Variants in MAPKAPK5 observed in about 807,000 individuals in gnomAD.
MAPKAPK5 encodes MAPK activated protein kinase 5, also known as MAP kinase-activated protein kinase 5.
Under a neutral mutation model 65.1 loss-of-function variants are expected in MAPKAPK5, and 30 were observed. The ratio of observed to expected loss-of-function variants is 0.46; its 90% CI spans 0.34 to 0.63. MAPKAPK5 has a LOEUF of 0.63. MAPKAPK5 is among the 20% of genes least tolerant of loss of function. MAPKAPK5 has a pLI of 0.01. For synonymous variants in MAPKAPK5, 179 were observed against 204.6 expected (o/e 0.87, Z 1.07); for missense variants, 433 against 581.4 (o/e 0.74, Z 2.63).
chr12:111,895,595 C>T lies in MAPKAPK5; in HGVS notation c.*2534C>T. ...CCCCAGGCTGGAGTGCAGTGGCTTG[C>T]TCTTGGCTCACTGCAACCTCTGCCT... On this transcript the variant is annotated 3_prime_UTR_variant, in exon 14 of 14. Transcript: ENST00000550735. 1 of 136,802 alleles carries T rather than the reference C, an allele frequency of 7.3e-6. No individual in the cohort carries two copies. The highest frequency in any genetic ancestry group is 1.6e-5 in the Non-Finnish European group (1 of 64,288). 8.5% of individuals were successfully genotyped at this position (136,802 alleles called of 1,614,324 possible).
chr12:111,870,450 A>G (rs1593156002), intron 6 of MAPKAPK5, 90 bp downstream of exon 6: 1 of 1,039,654 alleles, frequency 9.6e-7, no homozygotes, highest in African/African-American at 1.6e-5. Flanking sequence ...ATTCATGGTG[A>G]AAAAGCTTTA....
intron 1 of MAPKAPK5, among the ~76,000 whole-genome samples, chr12:111,844,475 G>A (rs2136054917): frequency 1.3e-5 from 2 of 152,356 alleles, no homozygotes. Context: ...ACAGGTGTGA[G>A]CCACCGCGCC....
chr12:111,842,750 A>G lies in MAPKAPK5; in HGVS notation c.17A>G (p.Asp6Gly). The G allele has an allele frequency of 7.4e-7, 1 of 1,350,528 alleles. No homozygotes were observed. Among genetic ancestry groups the G allele is most frequent in the Non-Finnish European group, 9.6e-7 (1 of 1,044,104 alleles). 83.7% of individuals were successfully genotyped at this position (1,350,528 alleles called of 1,614,324 possible). MSEES[D>G]MDKAIKETSI... ...CCACTGAGTATGTCGGAGGAGAGCGACATGGACAAAGCCATCAAGGTAAGG... is the reference window on the plus strand; with the variant it reads ...CCACTGAGTATGTCGGAGGAGAGCGGCATGGACAAAGCCATCAAGGTAAGG... The change falls in exon 1 of 14, where the codon GAC (aspartate) becomes GGC (glycine). Residue 6 changes from aspartate (D) to glycine (G), a missense_variant. Physicochemically the swap from Asp to Gly is moderately conservative, Grantham distance 94 (BLOSUM62 -1). Coordinates refer to ENST00000550735, the MANE Select transcript of MAPKAPK5 (RefSeq NM_003668.4).
Position 111,897,640 on chromosome 12 carries a change from G to A in MAPKAPK5, c.*4579G>A, listed in dbSNP as rs1383291320. 3 of 152,028 alleles carry A rather than the reference G, an allele frequency of 2.0e-5. No homozygotes were observed. The highest frequency in any genetic ancestry group is 4.4e-5 in the Non-Finnish European group (3 of 67,996). 9.4% of individuals were successfully genotyped at this position (152,028 alleles called of 1,614,324 possible). The stretch of plus-strand genomic sequence containing the variant: ...TACATAAATCACAAGAAATACAGCT[G>A]GAAATCATTTCACTTTTCTTGCTGT... On this transcript the variant is annotated 3_prime_UTR_variant, in exon 14 of 14. Transcript: ENST00000550735.
chr12:111,890,227 A>G, intron 13 of MAPKAPK5, 83 bp downstream of exon 13: 1 of 1,044,810 alleles, frequency 9.6e-7, no homozygotes, highest in Admixed American at 2.1e-5. Flanking sequence ...TTGGGGCCTG[A>G]GCTGCGGCTG....
At chr12:111,852,002 CCAGA>C (rs2069100956) in intron 1 of MAPKAPK5, among the ~76,000 whole-genome samples, 1 of 152,086 alleles carries the variant, frequency 6.6e-6, no homozygotes, top group Admixed American at 6.6e-5. Flanking sequence ...TGCTTCTGTG[CCAGA>C]CAGTAAGGAA....
At position 111,900,814 on chromosome 12, in the gene MAPKAPK5, A is replaced by C; in HGVS notation, c.*7753A>C. On this transcript the variant is annotated 3_prime_UTR_variant, in exon 14 of 14. Transcript: ENST00000550735. Reference sequence around the variant, plus strand: ...TTATGCCCCAACAACAGGCATAAGCAAGATGGCTCAAAATGTCATACAATT... The same window carrying C: ...TTATGCCCCAACAACAGGCATAAGCCAGATGGCTCAAAATGTCATACAATT... 2.2e-6 allele frequency: 1 copy of C among 456,126 alleles called. No individual in the cohort carries two copies. Among genetic ancestry groups the C allele is most frequent in the South Asian group, 1.5e-5 (1 of 64,564 alleles). The allele number at this position is 456,126 out of a possible 1,614,324, so 28.3% of individuals were successfully genotyped here.
At chr12:111,857,635 C>T (rs1312312511) in intron 1 of MAPKAPK5, among the ~76,000 whole-genome samples, 1 of 152,156 alleles carries the variant, frequency 6.6e-6, no homozygotes, top group Non-Finnish European at 1.5e-5. Context: ...AGTCTACTAG[C>T]AGTGAATTCT....
intron 8 of MAPKAPK5, among the ~76,000 whole-genome samples, chr12:111,881,334 A>G (rs1204264747): frequency 6.6e-6 from 1 of 151,120 alleles, no homozygotes; most frequent in Non-Finnish European, 1.5e-5. Context: ...TCGGCCTCCC[A>G]AAGTGCTGGG....
chr12:111,901,534 T>TA lies in MAPKAPK5; in HGVS notation c.*8479dup, dbSNP rs1171328941. ...AGTACAATTATTTGATCTGCTTGCT[T>TA]AAAAAATCACCAGAGGCTGCCCCGG... On this transcript the variant is annotated 3_prime_UTR_variant, in exon 14 of 14. Transcript: ENST00000550735. 1 of 357,128 alleles carries TA rather than the reference T, an allele frequency of 2.8e-6. No homozygotes were observed. The allele number at this position is 357,128 out of a possible 1,614,324, so 22.1% of individuals were successfully genotyped here.
At chr12:111,842,887 C>T in intron 1 of MAPKAPK5, 118 bp downstream of exon 1, 3 of 1,042,802 alleles carry the variant, frequency 2.9e-6, no homozygotes, top group Non-Finnish European at 3.8e-6. Context: ...GGGTTTCGGC[C>T]TCCCCCGGAT....
rs551483129 is a variant in MAPKAPK5, at chr12:111,883,192, G to A, written c.661-389G>A. ...TCGAGACCAACCTGACCAACATGGT[G>A]AAAGCCTATCTCTACTAAAAAAAAA... On this transcript the variant is annotated intron_variant, in intron 8 of 13. Coordinates refer to ENST00000550735, the MANE Select transcript of MAPKAPK5 (RefSeq NM_003668.4). This position sits in a 1 kb window ranked among gnomAD's most constrained non-coding sequence, Gnocchi z 4.8. 6.6e-6 allele frequency among the ~76,000 whole-genome samples: 1 copy of A among 152,126 alleles called. No individual in the cohort carries two copies. The highest frequency in any genetic ancestry group is 1.9e-4 in the East Asian group (1 of 5,164).
intron 10 of MAPKAPK5, among the ~76,000 whole-genome samples, chr12:111,886,498 C>T (rs1031308841): frequency 6.6e-6 from 1 of 152,222 alleles, no homozygotes; most frequent in Non-Finnish European, 1.5e-5. Flanking sequence ...AGGCAGAACC[C>T]CTCACATGTA....
At chr12:111,871,949 T>A (rs1264915241) in intron 7 of MAPKAPK5, among the ~76,000 whole-genome samples, 1 of 152,258 alleles carries the variant, frequency 6.6e-6, no homozygotes, top group African/African-American at 2.4e-5. Flanking sequence ...GTGGACTTTG[T>A]ATGCTTCATT....
intron 1 of MAPKAPK5, among the ~76,000 whole-genome samples, chr12:111,845,931 A>G (rs2068895106): frequency 6.6e-6 from 1 of 152,182 alleles, no homozygotes; most frequent in Admixed American, 6.5e-5. Context: ...TCAAAAAAAT[A>G]ATAATACCTA....
chr12:111,867,675 A>G lies in MAPKAPK5; in HGVS notation c.284+6A>G, dbSNP rs1466487286. On this transcript the variant is annotated splice_donor_region_variant and intron_variant, in intron 4 of 13. Coordinates refer to ENST00000550735, the MANE Select transcript of MAPKAPK5 (RefSeq NM_003668.4). The stretch of plus-strand genomic sequence containing the variant: ...CCCCATGAGTCCAGCCCTAGGTAAG[A>G]CTACACAGTGTCATCATCAAATGCC... 1 of 1,607,374 alleles carries G rather than the reference A, an allele frequency of 6.2e-7. No homozygotes were observed. The highest frequency in any genetic ancestry group is 1.1e-5 in the South Asian group (1 of 90,898).
In MAPKAPK5 at chr12:111,881,402, C is replaced by CTTTTTTTTTTTTTTT. The variant is rs1274226182; in HGVS notation, c.660+875_660+876insTTTTTTTTTTTTTTT. Among the ~76,000 whole-genome samples the CTTTTTTTTTTTTTTT allele has an allele frequency of 1.7e-3, 196 of 116,698 alleles. 16 individuals carry two copies. The highest frequency in any genetic ancestry group is 4.2e-3 in the African/African-American group (126 of 30,126). 76.6% of individuals were successfully genotyped at this position (116,698 alleles called of 152,430 possible). ...AGCCCACATATTGATCCTGTCTGTT[C>CTTTTTTTTTTTTTTT]CTTTTTTTTTTTTTTTTTTTGAGAC... On this transcript the variant is annotated intron_variant, in intron 8 of 13. Transcript: ENST00000550735.
chr12:111,859,362 TC>T (rs2069350852), intron 1 of MAPKAPK5, among the ~76,000 whole-genome samples: 1 of 149,808 alleles, frequency 6.7e-6, no homozygotes, highest in Non-Finnish European at 1.5e-5. Flanking sequence ...CATTGCAACC[TC>T]CGCTTCCCAG....
At chr12:111,892,445 C>A (rs1488139791) in intron 13 of MAPKAPK5, among the ~76,000 whole-genome samples, 1 of 152,126 alleles carries the variant, frequency 6.6e-6, no homozygotes, top group Admixed American at 6.5e-5. Flanking sequence ...CCAACTCTTG[C>A]TATTGTCTTT....
Sources: allele counts gnomAD v4.1 joint callset (sites outside exome capture counted in the v4.1 genomes callset), GRCh38; gene constraint gnomAD v4.1.1; non-coding constraint Gnocchi (gnomAD v3.1); transcripts MANE v1.5; gene names NCBI Gene and HGNC (gene_info 2026-07-23, HGNC 2026-07-21).